Variants in MUC7 observed in about 807,000 individuals in gnomAD.
MUC7 encodes mucin 7, secreted, also known as mucin-7.
Under a neutral mutation model 2.5 loss-of-function variants are expected in MUC7, and 2 were observed. The ratio of observed to expected loss-of-function variants is 0.81; its 90% CI spans 0.33 to 2.55. The LOEUF is 2.55. MUC7 is among the 30% of genes most tolerant of loss of function. The pLI is 0.11. For synonymous variants in MUC7, 133 were observed against 173.4 expected (o/e 0.77, Z 1.83); for missense variants, 408 against 455.6 (o/e 0.90, Z 0.95).
At position 70,482,751 on chromosome 4, in the gene MUC7, A is replaced by T. The variant is rs763361637; in HGVS notation, c.*873A>T. The T allele has an allele frequency of 6.6e-5, 10 of 152,216 alleles. No homozygotes were observed. Among genetic ancestry groups the T allele is most frequent in the Non-Finnish European group, 1.2e-4 (8 of 68,030 alleles). The allele number at this position is 152,216 out of a possible 1,614,324, so 9.4% of individuals were successfully genotyped here. On this transcript the variant is annotated 3_prime_UTR_variant, in exon 3 of 3. Coordinates refer to ENST00000304887, the MANE Select transcript of MUC7 (RefSeq NM_152291.3). ...TCAACAATGGAATATTTTCTAAAAC[A>T]TTTAGTATACATTTGAATGTATTTT...
rs1179793785 is a variant in MUC7, at chr4:70,482,143, G to C, written c.*265G>C. On this transcript the variant is annotated 3_prime_UTR_variant, in exon 3 of 3. Transcript: ENST00000304887. ...AGATAGCCTACTGAGGGCAAAGAAA[G>C]TCCTTAGATAAAGAGAGAATATTGT... 2 of 416,666 alleles carry C rather than the reference G, an allele frequency of 4.8e-6. No homozygotes were observed. Among genetic ancestry groups the C allele is most frequent in the Non-Finnish European group, 8.5e-6 (2 of 235,218 alleles). The allele number at this position is 416,666 out of a possible 1,614,324, so 25.8% of individuals were successfully genotyped here.
intron 1 of MUC7, among the ~76,000 whole-genome samples, chr4:70,437,101 T>A (rs1167650642): frequency 6.6e-6 from 1 of 151,938 alleles, no homozygotes; most frequent in Admixed American, 6.6e-5. Flanking sequence ...CCCACCTGTA[T>A]GAGGTGTCTG....
intron 1 of MUC7, among the ~76,000 whole-genome samples, chr4:70,445,552 C>T (rs944090940): frequency 5.9e-5 from 9 of 152,184 alleles, no homozygotes; most frequent in Admixed American, 4.6e-4. Flanking sequence ...CTCTCCAGCA[C>T]CACTCTAGGT....
chr4:70,470,977 G>A (rs1304298833), upstream of MUC7, among the ~76,000 whole-genome samples: 1 of 152,098 alleles, frequency 6.6e-6, no homozygotes, highest in Non-Finnish European at 1.5e-5. Flanking sequence ...TAGAAAAACT[G>A]AGGCTCAAAG....
intron 1 of MUC7, among the ~76,000 whole-genome samples, chr4:70,432,186 C>T (rs545506316): frequency 5.0e-4 from 76 of 152,184 alleles, no homozygotes; most frequent in African/African-American, 1.8e-3. Context: ...TTTGCTATTG[C>T]GAATAGCGCC....
intron 1 of MUC7, among the ~76,000 whole-genome samples, chr4:70,439,568 C>T (rs1174860628): frequency 6.6e-6 from 1 of 152,102 alleles, no homozygotes; most frequent in Non-Finnish European, 1.5e-5. Flanking sequence ...AATAAAAGTA[C>T]ACATTAATAT....
chr4:70,434,957 A>G (rs1046514454), intron 1 of MUC7, among the ~76,000 whole-genome samples: 1 of 151,918 alleles, frequency 6.6e-6, no homozygotes, highest in Non-Finnish European at 1.5e-5. Context: ...CCTTCATTTC[A>G]TTATGTACCC....
upstream of MUC7, among the ~76,000 whole-genome samples, chr4:70,469,640 A>T (rs1734780325): frequency 6.6e-6 from 1 of 152,262 alleles, no homozygotes; most frequent in African/African-American, 2.4e-5. Context: ...TTATGCAACC[A>T]ACAAATATAT....
intron 1 of MUC7, among the ~76,000 whole-genome samples, chr4:70,433,910 G>A (rs1458895128): frequency 4.6e-5 from 7 of 152,148 alleles, no homozygotes; most frequent in African/African-American, 1.7e-4. Flanking sequence ...TCAATACCTA[G>A]TTTACTGAGA....
chr4:70,466,895 T>C (rs1734698170), intron 1 of MUC7, among the ~76,000 whole-genome samples: 1 of 152,362 alleles, frequency 6.6e-6, no homozygotes, highest in South Asian at 2.1e-4. Context: ...AACTCAACTC[T>C]GGACCAAGTG....
In MUC7 at chr4:70,482,431, T is replaced by A. The variant is rs952802521; in HGVS notation, c.*553T>A. ...CTTCCATTTTAAATAAAATTTTATT[T>A]CACAAATATGAGCCAAGAAAGAGGA... On this transcript the variant is annotated 3_prime_UTR_variant, in exon 3 of 3. Transcript: ENST00000304887. 6.5e-6 allele frequency: 1 copy of A among 152,722 alleles called. No individual in the cohort carries two copies. Among genetic ancestry groups the A allele is most frequent in the African/African-American group, 2.4e-5 (1 of 41,456 alleles). 9.5% of individuals were successfully genotyped at this position (152,722 alleles called of 1,614,324 possible).
At chr4:70,439,308 G>C (rs572752366) in intron 1 of MUC7, among the ~76,000 whole-genome samples, 2 of 152,164 alleles carry the variant, frequency 1.3e-5, no homozygotes, top group Non-Finnish European at 2.9e-5. Flanking sequence ...GGGAGAATAA[G>C]GTACGAGCTG....
chr4:70,470,549 C>A (rs1734811683), upstream of MUC7, among the ~76,000 whole-genome samples: 1 of 152,044 alleles, frequency 6.6e-6, no homozygotes, highest in South Asian at 2.1e-4. Flanking sequence ...TATCTCCAGG[C>A]ATTATTTAGG....
chr4:70,444,422 A>G (rs1480639254), intron 1 of MUC7, among the ~76,000 whole-genome samples: 1 of 152,146 alleles, frequency 6.6e-6, no homozygotes, highest in East Asian at 1.9e-4. Context: ...ATTGAGAGTG[A>G]CCAACACTAG....
At chr4:70,436,776 C>T (rs184558466) in intron 1 of MUC7, among the ~76,000 whole-genome samples, 6 of 152,050 alleles carry the variant, frequency 3.9e-5, no homozygotes, top group African/African-American at 1.2e-4. Context: ...GGAAAAGAGG[C>T]GTTTTGGTTT....
At chr4:70,466,537 T>C (rs938018239) in intron 1 of MUC7, among the ~76,000 whole-genome samples, 9 of 151,662 alleles carry the variant, frequency 5.9e-5, no homozygotes, top group Non-Finnish European at 1.2e-4. Context: ...AAGACACACA[T>C]AGGCTCAAAA....
chr4:70,445,863 C>T (rs746808308), intron 1 of MUC7, among the ~76,000 whole-genome samples: 25 of 152,214 alleles, frequency 1.6e-4, no homozygotes, highest in Non-Finnish European at 2.9e-4. Flanking sequence ...GAATGTACAA[C>T]GGAACAACTG....
chr4:70,456,727 A>C (rs1734425393), intron 1 of MUC7, among the ~76,000 whole-genome samples: 1 of 152,220 alleles, frequency 6.6e-6, no homozygotes, highest in African/African-American at 2.4e-5. Flanking sequence ...GGGTGGGGAC[A>C]CAGAGCCAAA....
At chr4:70,480,508 G>A (rs751747288) in intron 2 of MUC7, among the ~76,000 whole-genome samples, 89 of 152,156 alleles carry the variant, frequency 5.8e-4, no homozygotes, top group Non-Finnish European at 1.2e-3. Context: ...GAAGAAGAGA[G>A]GAACTGTAAG....
Sources: gnomAD v4.1 joint callset for allele counts (sites outside exome capture counted in the v4.1 genomes callset) on GRCh38, gnomAD v4.1.1 for gene constraint, MANE v1.5 for transcripts, NCBI Gene and HGNC (gene_info 2026-07-23, HGNC 2026-07-21) for gene names.